Variants in PDE4D observed in about 807,000 individuals in gnomAD.
PDE4D encodes phosphodiesterase 4D.
PDE4D carries 24 observed loss-of-function variants against 87.4 expected under a neutral mutation model. The observed-to-expected ratio is 0.27, with a 90% CI of 0.20 to 0.39. The LOEUF (loss-of-function observed/expected upper bound fraction) is 0.39. Among genes scored for constraint, PDE4D ranks in the 10% least tolerant of loss-of-function variants. The probability of loss-of-function intolerance (pLI) is 1.00; values close to 1 mark genes in which losing one functional copy is unlikely to be tolerated. For missense variants in PDE4D, 714 were observed against 1,041.0 expected (o/e 0.69, Z 4.32); for synonymous variants, 384 against 383.2 (o/e 1.00, Z -0.02).
intron 2 of PDE4D, among the ~76,000 whole-genome samples, chr5:59,197,499 G>T (rs941043683): frequency 1.3e-5 from 2 of 152,114 alleles, no homozygotes; most frequent in Admixed American, 6.6e-5. Flanking sequence ...TCAAAAGTAT[G>T]TCATGCTTAA....
At chr5:59,163,082 G>A (rs1781376765) in intron 5 of PDE4D, among the ~76,000 whole-genome samples, 2 of 149,480 alleles carry the variant, frequency 1.3e-5, no homozygotes, top group African/African-American at 5.0e-5. Flanking sequence ...ACAGGCATGT[G>A]CCACCATGCC....
intron 7 of PDE4D, among the ~76,000 whole-genome samples, chr5:58,992,232 T>A (rs1392335411): frequency 2.0e-5 from 3 of 152,162 alleles, no homozygotes; most frequent in Non-Finnish European, 4.4e-5. Context: ...TAATATCAAA[T>A]GTATTCCATG....
chr5:59,239,394 C>T (rs904834392), intron 1 of PDE4D, among the ~76,000 whole-genome samples: 5 of 152,122 alleles, frequency 3.3e-5, no homozygotes, highest in Admixed American at 2.0e-4. Context: ...ACAAGAACTC[C>T]CAAAGGCAAG....
intron 2 of PDE4D, among the ~76,000 whole-genome samples, chr5:60,084,630 G>C (rs1000067129): frequency 1.3e-5 from 2 of 152,186 alleles, no homozygotes; most frequent in East Asian, 3.8e-4. Flanking sequence ...CTACTTAAAA[G>C]AACATTTTAA....
At chr5:59,213,513 T>G (rs1750546668) in intron 2 of PDE4D, among the ~76,000 whole-genome samples, 1 of 152,130 alleles carries the variant, frequency 6.6e-6, no homozygotes, top group Non-Finnish European at 1.5e-5. Flanking sequence ...CCCTTGAATT[T>G]TTAGTCTCTT....
At chr5:59,806,267 C>T (rs1475370168) in intron 1 of PDE4D, among the ~76,000 whole-genome samples, 1 of 152,196 alleles carries the variant, frequency 6.6e-6, no homozygotes, top group Non-Finnish European at 1.5e-5. Flanking sequence ...GGAACCAACT[C>T]ACCTTGGAGC....
At chr5:59,045,869 G>C (rs1207874278) in intron 5 of PDE4D, among the ~76,000 whole-genome samples, 1 of 152,178 alleles carries the variant, frequency 6.6e-6, no homozygotes, top group Non-Finnish European at 1.5e-5. Context: ...ACCATATTAA[G>C]AATAAAATTA....
chr5:59,116,258 A>G (rs1165085669), intron 5 of PDE4D, among the ~76,000 whole-genome samples: 1 of 152,176 alleles, frequency 6.6e-6, no homozygotes, highest in Non-Finnish European at 1.5e-5. Context: ...TAATCAGAGT[A>G]AACAAGAAGG....
intron 1 of PDE4D, among the ~76,000 whole-genome samples, chr5:59,840,711 C>T (rs1676798011): frequency 3.3e-5 from 5 of 152,068 alleles, no homozygotes; most frequent in South Asian, 4.1e-4. Context: ...AATCTGGGCA[C>T]GTACTGTTCA....
intron 1 of PDE4D, among the ~76,000 whole-genome samples, chr5:60,466,888 A>AC (rs1312174324): frequency 1.1e-5 from 1 of 93,844 alleles, no homozygotes; most frequent in Non-Finnish European, 2.1e-5. Flanking sequence ...TTCCCAGCCC[A>AC]CCCCCACCCA....
At chr5:60,311,349 T>A (rs1352213826) in intron 1 of PDE4D, among the ~76,000 whole-genome samples, 1 of 152,194 alleles carries the variant, frequency 6.6e-6, no homozygotes, top group African/African-American at 2.4e-5. Context: ...GGAAATTCCA[T>A]CAGGCTAACA....
At chr5:60,511,496 G>C (rs1040929579) in intron 1 of PDE4D, among the ~76,000 whole-genome samples, 3 of 147,138 alleles carry the variant, frequency 2.0e-5, no homozygotes, top group Non-Finnish European at 3.0e-5. Flanking sequence ...ACAAACTTAG[G>C]CAATAACATA....
intron 1 of PDE4D, among the ~76,000 whole-genome samples, chr5:59,460,171 T>C (rs1800550007): frequency 6.6e-6 from 1 of 152,064 alleles, no homozygotes; most frequent in Admixed American, 6.6e-5. Context: ...TTTTATTAAA[T>C]GTATATGTTA....
chr5:60,521,198 T>C (rs1751025826), intron 1 of PDE4D: 1 of 152,170 alleles, frequency 6.6e-6, no homozygotes. Context: ...AAGCATGAAA[T>C]ACTGCTGGCC....
At chr5:59,477,577 T>C (rs183494212) in intron 1 of PDE4D, among the ~76,000 whole-genome samples, 4 of 152,086 alleles carry the variant, frequency 2.6e-5, no homozygotes, top group South Asian at 2.1e-4. Flanking sequence ...GTGGAGGAAA[T>C]TGACTGCTTA....
chr5:59,586,505 C>A lies in PDE4D; in HGVS notation c.455+306663G>T, dbSNP rs201904888. 5.0e-3 allele frequency: 5,661 copies of A among 1,131,648 alleles called. 41 individuals carry two copies. The highest frequency in any genetic ancestry group is 0.028 in the South Asian group (802 of 28,218). The allele number at this position is 1,131,648 out of a possible 1,614,324, so 70.1% of individuals were successfully genotyped here. A position where few individuals can be genotyped will look rare whatever the true frequency, so the allele number is the denominator to read the frequency against. On this transcript the variant is annotated intron_variant, in intron 1 of 14. Coordinates refer to ENST00000340635, the MANE Select transcript of PDE4D (RefSeq NM_001104631.2). ...AATTATTGCAACAAGTATTGAATCC[C>A]AAAAAAAAAAAAAAAATCTCCCCCC...
chr5:59,765,522 A>T (rs1187332982), intron 1 of PDE4D, among the ~76,000 whole-genome samples: 2 of 152,224 alleles, frequency 1.3e-5, no homozygotes, highest in African/African-American at 2.4e-5. Context: ...CTTTGCAGTT[A>T]GATGTGGCCA....
chr5:59,756,810 CTTT>C (rs5868192), intron 1 of PDE4D, among the ~76,000 whole-genome samples: 2 of 132,266 alleles, frequency 1.5e-5, no homozygotes, highest in African/African-American at 2.8e-5. Flanking sequence ...GAGGTTCTTA[CTTT>C]TTTTTTTTTT....
rs75711976 is a variant in PDE4D at position 59,321,783 on chromosome 5, G to C, written c.456-105815C>G. On this transcript the variant is annotated intron_variant, in intron 1 of 14. Coordinates refer to ENST00000340635, the MANE Select transcript of PDE4D (RefSeq NM_001104631.2). ...AATATGGGAATTATAGAGAAACAGG[G>C]AGTGAGTTCTTCTGTTGTACTGTAT... 8.5e-3 allele frequency among the ~76,000 whole-genome samples: 1,287 copies of C among 152,224 alleles called. 16 individuals are homozygous for C. The highest frequency in any genetic ancestry group is 0.03 in the African/African-American group (1,231 of 41,558).
Sources: allele counts gnomAD v4.1 joint callset (sites outside exome capture counted in the v4.1 genomes callset), GRCh38; gene constraint gnomAD v4.1.1; transcripts MANE v1.5; gene names NCBI Gene and HGNC (gene_info 2026-07-23, HGNC 2026-07-21).